The following TTC28 variants were observed in gnomAD, a reference collection of about 807,000 sequenced individuals.
TTC28 encodes tetratricopeptide repeat protein 28.
Under a neutral mutation model 198.0 loss-of-function variants are expected in TTC28, and 61 were observed. The observed-to-expected ratio is 0.31, with a 90% confidence interval of 0.25 to 0.38. The LOEUF is 0.38. Ranked by LOEUF, TTC28 falls within the 10% of genes least tolerant of loss-of-function variation. The pLI, the probability that TTC28 is intolerant of heterozygous loss-of-function variation, is 1.00. For missense variants in TTC28, 2,678 were observed against 3,164.0 expected (o/e 0.85, Z 3.69); for synonymous variants, 1,171 against 1,297.8 (o/e 0.90, Z 2.10).
At chr22:28,329,593 C>G (rs1325210986) in intron 2 of TTC28, among the ~76,000 whole-genome samples, 3 of 152,178 alleles carry the variant, frequency 2.0e-5, no homozygotes, top group Non-Finnish European at 4.4e-5. Context: ...GTTGTCCTAA[C>G]AGGCAGTTTT....
intron 2 of TTC28, among the ~76,000 whole-genome samples, chr22:28,611,394 G>C (rs971508362): frequency 1.3e-5 from 2 of 152,120 alleles, no homozygotes; most frequent in Non-Finnish European, 2.9e-5. Flanking sequence ...AGCCAGAACA[G>C]AGTGGGGGCC....
At chr22:28,082,690 T>C (rs776488465) in intron 12 of TTC28, among the ~76,000 whole-genome samples, 3 of 152,228 alleles carry the variant, frequency 2.0e-5, no homozygotes, top group Non-Finnish European at 4.4e-5. Context: ...TCATGATAAA[T>C]ATTGGTCTAC....
chr22:28,456,098 G>T (rs1028661317), intron 2 of TTC28, among the ~76,000 whole-genome samples: 1 of 151,328 alleles, frequency 6.6e-6, no homozygotes, highest in Non-Finnish European at 1.5e-5. Flanking sequence ...GGTGGAGGTT[G>T]CAGTGAGCCG....
chr22:28,460,680 TAGATAGGC>T (rs2047937871), intron 2 of TTC28, among the ~76,000 whole-genome samples: 1 of 139,982 alleles, frequency 7.1e-6, no homozygotes, highest in African/African-American at 2.5e-5. Context: ...GACAGACAGA[TAGATAGGC>T]AGGCAGGCAG....
intron 2 of TTC28, among the ~76,000 whole-genome samples, chr22:28,499,174 C>T (rs1045260685): frequency 3.3e-5 from 5 of 152,088 alleles, no homozygotes; most frequent in Non-Finnish European, 7.3e-5. Context: ...GAGATCCCAT[C>T]TCTAGAAAAA....
At chr22:28,286,485 AC>A (rs933801745) in intron 5 of TTC28, among the ~76,000 whole-genome samples, 4 of 152,202 alleles carry the variant, frequency 2.6e-5, no homozygotes, top group Non-Finnish European at 5.9e-5. Context: ...AATTAAAACT[AC>A]CCACATTTTA....
At chr22:28,600,979 T>C (rs1369229248) in intron 2 of TTC28, among the ~76,000 whole-genome samples, 1 of 152,160 alleles carries the variant, frequency 6.6e-6, no homozygotes, top group Non-Finnish European at 1.5e-5. Context: ...TAGTATTTTA[T>C]CATCAAGAAA....
chr22:28,586,145 G>A (rs1796702657), intron 2 of TTC28, among the ~76,000 whole-genome samples: 4 of 151,956 alleles, frequency 2.6e-5, no homozygotes, highest in Admixed American at 2.6e-4. Flanking sequence ...TGGGCGTGGT[G>A]GTGGGCGCCT....
intron 2 of TTC28, among the ~76,000 whole-genome samples, chr22:28,524,549 G>A (rs1304818771): frequency 1.3e-5 from 2 of 152,020 alleles, no homozygotes; most frequent in African/African-American, 4.8e-5. Context: ...GCTAAGGTGG[G>A]AGAATCACTT....
chr22:28,607,733 G>C (rs1306427239), intron 2 of TTC28, among the ~76,000 whole-genome samples: 2 of 152,090 alleles, frequency 1.3e-5, no homozygotes, highest in Non-Finnish European at 1.5e-5. Context: ...TTAAAATACA[G>C]ATAGTACCAC....
chr22:28,404,420 A>G (rs1459899473), intron 2 of TTC28, among the ~76,000 whole-genome samples: 1 of 152,074 alleles, frequency 6.6e-6, no homozygotes, highest in Admixed American at 6.6e-5. Context: ...CCCGGCCTAT[A>G]TGTGTTATTT....
chr22:28,426,582 G>A (rs2047353947), intron 2 of TTC28, among the ~76,000 whole-genome samples: 1 of 152,144 alleles, frequency 6.6e-6, no homozygotes, highest in South Asian at 2.1e-4. Flanking sequence ...TAAGGAACTA[G>A]GAATAAGGGA....
At chr22:28,267,477 C>G (rs1183742022) in intron 5 of TTC28, among the ~76,000 whole-genome samples, 1 of 152,178 alleles carries the variant, frequency 6.6e-6, no homozygotes, top group Non-Finnish European at 1.5e-5. Context: ...AGCCTAGTAT[C>G]TGTTTCTGGA....
intron 14 of TTC28, among the ~76,000 whole-genome samples, chr22:28,003,756 C>T (rs1357169458): frequency 2.6e-5 from 4 of 152,340 alleles, no homozygotes; most frequent in Admixed American, 2.0e-4. Flanking sequence ...ACTCTGCCCA[C>T]GAAACCTCAT....
rs369845727 is a variant in TTC28, at chr22:27,999,113, C to T, written c.4546G>A (p.Glu1516Lys). 727 of 1,550,578 alleles carry T rather than the reference C, an allele frequency of 4.7e-4. No homozygotes were observed. The highest frequency in any genetic ancestry group is 5.9e-4 in the Non-Finnish European group (671 of 1,146,996). ...SAEEEAYMVS[E>K]LLGCQPLVGS... ...ACTAGGGGCTGGCAGCCCAGCAGCT[C>T]GGACACCATGTAGGCCTCTTCCTCG... The change falls in exon 16 of 23, where the codon GAG (glutamate) becomes AAG (lysine). Residue 1516 changes from glutamate to lysine, a missense_variant. Coordinates refer to ENST00000397906, the MANE Select transcript of TTC28 (RefSeq NM_001145418.2).
At chr22:28,659,200 C>T (rs1240994793) in intron 1 of TTC28, among the ~76,000 whole-genome samples, 2 of 152,174 alleles carry the variant, frequency 1.3e-5, no homozygotes, top group African/African-American at 4.8e-5. Flanking sequence ...CAAAAAATAA[C>T]TCCATCACAG....
intron 12 of TTC28, among the ~76,000 whole-genome samples, chr22:28,088,724 C>G (rs1226057473): frequency 3.3e-5 from 5 of 152,102 alleles, no homozygotes; most frequent in African/African-American, 4.8e-5. Flanking sequence ...GAGTGAACAG[C>G]CAACCTACAA....
At chr22:28,585,724 C>G (rs772339000) in intron 2 of TTC28, among the ~76,000 whole-genome samples, 1 of 152,056 alleles carries the variant, frequency 6.6e-6, no homozygotes, top group Non-Finnish European at 1.5e-5. Context: ...CGTGGTGGAG[C>G]TGGGATTTCA....
chr22:28,310,697 T>C (rs2045240567), intron 2 of TTC28, among the ~76,000 whole-genome samples: 1 of 152,238 alleles, frequency 6.6e-6, no homozygotes, highest in South Asian at 2.1e-4. Flanking sequence ...TATACTCATA[T>C]GTACAATGCA....
Sources: allele counts gnomAD v4.1 joint callset (sites outside exome capture counted in the v4.1 genomes callset), GRCh38; gene constraint gnomAD v4.1.1; transcripts MANE v1.5; gene names NCBI Gene and HGNC (gene_info 2026-07-23, HGNC 2026-07-21).